MTHFD2L: variants seen among roughly 807,000 people sequenced by gnomAD.
MTHFD2L encodes the protein bifunctional methylenetetrahydrofolate dehydrogenase/cyclohydrolase 2, mitochondrial.
A neutral mutation model predicts 34.9 loss-of-function variants in MTHFD2L; 29 were observed. That is an observed-to-expected ratio of 0.83 (90% CI 0.62 to 1.13). The LOEUF is 1.13. Among genes scored for constraint, MTHFD2L ranks in the 50% most tolerant of loss-of-function variants. The pLI is 0.00. For synonymous variants in MTHFD2L, 167 were observed against 155.7 expected, an observed-to-expected ratio of 1.07 and a Z score of -0.54; for missense variants, 481 against 446.5, an observed-to-expected ratio of 1.08 and a Z score of -0.70.
At chr4:74,151,413 T>C (rs530499767) in intron 1 of MTHFD2L, among the ~76,000 whole-genome samples, 1 of 152,200 alleles carries the variant, frequency 6.6e-6, no homozygotes, top group Non-Finnish European at 1.5e-5. Flanking sequence ...ACCTTAGCGA[T>C]GTAGCATGCA....
intron 1 of MTHFD2L, chr4:74,161,127 G>C (rs901454857): frequency 6.6e-6 from 1 of 151,830 alleles, no homozygotes; most frequent in African/African-American, 2.4e-5. Context: ...TCTTTGTGTC[G>C]CACTGGCATC....
At chr4:74,157,082 T>C (rs1028724697), upstream of MTHFD2L, 10 of 152,428 alleles carry the variant, frequency 6.6e-5, no homozygotes. Context: ...AAGTGTTTTA[T>C]CTAAAGTCTC....
At chr4:74,267,155 A>C in intron 6 of MTHFD2L, 1 of 985,194 alleles carries the variant, frequency 1.0e-6, no homozygotes, top group South Asian at 4.7e-5. Flanking sequence ...TTCGACTTTA[A>C]TACTCTGTGA....
At chr4:74,129,152 C>G (rs1722287854) in intron 1 of MTHFD2L, among the ~76,000 whole-genome samples, 1 of 151,830 alleles carries the variant, frequency 6.6e-6, no homozygotes, top group Non-Finnish European at 1.5e-5. Flanking sequence ...CAACTTAGAT[C>G]ACAAATGAAA....
At chr4:74,201,086 CAAA>C (rs1265094318) in intron 4 of MTHFD2L, among the ~76,000 whole-genome samples, 174 bp from the exon 5 acceptor site, 1 of 152,020 alleles carries the variant, frequency 6.6e-6, no homozygotes, top group African/African-American at 2.4e-5. Flanking sequence ...AGTGACAAAT[CAAA>C]GAAGCATAAA....
intron 1 of MTHFD2L, among the ~76,000 whole-genome samples, chr4:74,130,345 A>G (rs1466689370): frequency 6.6e-6 from 1 of 152,214 alleles, no homozygotes; most frequent in East Asian, 1.9e-4. Context: ...TCCATAAAAT[A>G]CTGGCAAACC....
intron 1 of MTHFD2L, among the ~76,000 whole-genome samples, chr4:74,168,302 C>T (rs1423593376): frequency 6.6e-6 from 1 of 152,170 alleles, no homozygotes; most frequent in Non-Finnish European, 1.5e-5. Flanking sequence ...CTTGCTATTC[C>T]TCAAAGATTT....
intron 7 of MTHFD2L, among the ~76,000 whole-genome samples, chr4:74,286,262 T>C (rs17232682): frequency 0.09 from 13,682 of 152,212 alleles, 834 homozygotes; most frequent in Middle Eastern, 0.15. Context: ...AACATTATTT[T>C]GCATGTCTAA....
intron 1 of MTHFD2L, among the ~76,000 whole-genome samples, chr4:74,134,715 TA>T (rs1722784837): frequency 6.6e-6 from 1 of 152,100 alleles, no homozygotes; most frequent in Non-Finnish European, 1.5e-5. Flanking sequence ...TTGTTATCTC[TA>T]AGATAACACA....
intron 2 of MTHFD2L, among the ~76,000 whole-genome samples, chr4:74,115,262 A>T (rs1286243706): frequency 6.6e-6 from 1 of 152,194 alleles, no homozygotes; most frequent in Non-Finnish European, 1.5e-5. Context: ...TTTGAGATTG[A>T]GTTTAGAATA....
chr4:74,138,299 ACAGGCGGGT>A, intron 1 of MTHFD2L, among the ~76,000 whole-genome samples: 1 of 152,100 alleles, frequency 6.6e-6, no homozygotes, highest in South Asian at 2.1e-4. Context: ...TGGCTTTGTT[ACAGGCGGGT>A]CTTTGTTGTT....
intron 5 of MTHFD2L, among the ~76,000 whole-genome samples, chr4:74,218,368 C>T (rs989814206): frequency 3.7e-4 from 57 of 152,086 alleles, no homozygotes; most frequent in African/African-American, 1.3e-3. Flanking sequence ...CCAGTCTTAC[C>T]GGGAACATTC....
chr4:74,183,758 G>A (rs1730624650), intron 3 of MTHFD2L: 1 of 151,566 alleles, frequency 6.6e-6, no homozygotes, highest in South Asian at 2.1e-4. Flanking sequence ...TCTGGAAGTG[G>A]TAACTACCTG....
chr4:74,217,807 A>T (rs1737444347), intron 5 of MTHFD2L, among the ~76,000 whole-genome samples: 1 of 149,318 alleles, frequency 6.7e-6, no homozygotes, highest in Non-Finnish European at 1.5e-5. Flanking sequence ...AGTCAAGACT[A>T]AGTAATATGC....
upstream of MTHFD2L, among the ~76,000 whole-genome samples, chr4:74,155,099 C>T (rs1724161881): frequency 6.6e-6 from 1 of 152,094 alleles, no homozygotes; most frequent in South Asian, 2.1e-4. Flanking sequence ...TAATGTAAAT[C>T]AACAACTTTA....
intron 6 of MTHFD2L, among the ~76,000 whole-genome samples, chr4:74,247,743 G>C (rs987926549): frequency 6.6e-6 from 1 of 152,130 alleles, no homozygotes; most frequent in African/African-American, 2.4e-5. Context: ...ATAATCATGT[G>C]GTTTTTGTCT....
intron 6 of MTHFD2L, among the ~76,000 whole-genome samples, chr4:74,276,398 C>G (rs1035765434): frequency 1.3e-5 from 2 of 152,004 alleles, no homozygotes; most frequent in Admixed American, 6.6e-5. Context: ...TTGGTTCTCA[C>G]ATATAATGCT....
chr4:74,179,410 T>C (rs774208342), intron 3 of MTHFD2L, among the ~76,000 whole-genome samples: 14 of 152,214 alleles, frequency 9.2e-5, no homozygotes, highest in Non-Finnish European at 2.1e-4. Context: ...ATAATTTCTT[T>C]TTGGTAAGGT....
intron 1 of MTHFD2L, among the ~76,000 whole-genome samples, chr4:74,146,575 T>C (rs555162838): frequency 1.3e-5 from 2 of 152,304 alleles, no homozygotes; most frequent in South Asian, 4.1e-4. Flanking sequence ...TTTAACTACC[T>C]TGTAAAATTA....
Sources: allele counts gnomAD v4.1 joint callset (sites outside exome capture counted in the v4.1 genomes callset), GRCh38; gene constraint gnomAD v4.1.1; transcripts MANE v1.5; gene names NCBI Gene and HGNC (gene_info 2026-07-23, HGNC 2026-07-21).